WDFY3: variants seen among roughly 807,000 people sequenced by gnomAD.
The protein encoded by WDFY3 is WD repeat and FYVE domain containing 3, also known as WD repeat and FYVE domain-containing protein 3.
A neutral mutation model predicts 409.6 loss-of-function variants in WDFY3; 66 were observed. The ratio of observed to expected loss-of-function variants is 0.16; its 90% confidence interval spans 0.13 to 0.20. WDFY3 has a LOEUF of 0.20. Ranked by LOEUF, WDFY3 falls within the 10% of genes least tolerant of loss-of-function variation. WDFY3 has a pLI of 1.00. For synonymous variants in WDFY3, 1,521 were observed against 1,537.1 expected, an observed-to-expected ratio of 0.99 and a Z score of 0.25; for missense variants, 3,031 against 4,298.1, an observed-to-expected ratio of 0.71 and a Z score of 8.24.
chr4:84,743,528 A>G (rs1226384962), intron 37 of WDFY3, among the ~76,000 whole-genome samples, 172 bp downstream of exon 37: 3 of 152,206 alleles, frequency 2.0e-5, no homozygotes, highest in Non-Finnish European at 4.4e-5. Context: ...AAATACTATA[A>G]TGTACTCCTG....
At chr4:84,675,465 C>T (rs1487249179) in intron 67 of WDFY3, among the ~76,000 whole-genome samples, 1 of 152,206 alleles carries the variant, frequency 6.6e-6, no homozygotes, top group East Asian at 1.9e-4. Flanking sequence ...CTTTACAACA[C>T]TCATATATGT....
chr4:84,675,847 T>A (rs1726187352), intron 67 of WDFY3, among the ~76,000 whole-genome samples: 1 of 152,148 alleles, frequency 6.6e-6, no homozygotes, highest in Non-Finnish European at 1.5e-5. Context: ...GACAGAGATA[T>A]CAACCAAATC....
chr4:84,889,004 G>A (rs1198839714), intron 3 of WDFY3, among the ~76,000 whole-genome samples: 1 of 151,882 alleles, frequency 6.6e-6, no homozygotes, highest in Non-Finnish European at 1.5e-5. Flanking sequence ...TTTCCCCAAA[G>A]GCCTTGCCTT....
At chr4:84,899,881 T>G (rs908902688) in intron 2 of WDFY3, among the ~76,000 whole-genome samples, 5 of 151,538 alleles carry the variant, frequency 3.3e-5, no homozygotes, top group African/African-American at 9.7e-5. Flanking sequence ...CAAAAAAAAA[T>G]TAAAAATTAA....
intron 3 of WDFY3, among the ~76,000 whole-genome samples, chr4:84,882,749 C>T (rs1323070829): frequency 1.3e-5 from 2 of 149,712 alleles, no homozygotes; most frequent in Non-Finnish European, 3.0e-5. Flanking sequence ...CAGTGTCATT[C>T]TGTCACCCAG....
chr4:84,808,225 CA>C (rs997337383), intron 15 of WDFY3, 108 bp downstream of exon 15: 128 of 918,342 alleles, frequency 1.4e-4, no homozygotes, highest in South Asian at 1.8e-4. Flanking sequence ...CAAAACAAAA[CA>C]AAAAAAAACT....
chr4:84,779,122 T>C (rs183656121), intron 26 of WDFY3, among the ~76,000 whole-genome samples: 1 of 152,328 alleles, frequency 6.6e-6, no homozygotes, highest in Non-Finnish European at 1.5e-5. Flanking sequence ...TATGGAATGC[T>C]TAGAGTATAA....
chr4:84,895,457 C>T (rs1312157828), intron 3 of WDFY3, among the ~76,000 whole-genome samples: 1 of 152,144 alleles, frequency 6.6e-6, no homozygotes, highest in East Asian at 1.9e-4. Flanking sequence ...AAACTGTGTA[C>T]ACAGACAAGA....
At chr4:84,788,878 C>T (rs1221672324) in intron 22 of WDFY3, among the ~76,000 whole-genome samples, 1 of 151,874 alleles carries the variant, frequency 6.6e-6, no homozygotes, top group Non-Finnish European at 1.5e-5. Flanking sequence ...AAATTAGCCA[C>T]GTGTGGTGGC....
chr4:84,679,169 G>A lies in WDFY3; in HGVS notation c.9897C>T (p.Asp3299=). 1 of 1,611,626 alleles carries A rather than the reference G, an allele frequency of 6.2e-7. No individual in the cohort carries two copies. The highest frequency in any genetic ancestry group is 1.7e-5 in the Admixed American group (1 of 59,758). Residue 3299 remains aspartate (D), a synonymous_variant, in exon 65 of 68, where the codon GAC becomes GAT. Transcript: ENST00000295888. ...DEQSISQDPK[D]TPSQPSSTSH... Reference sequence around the variant, plus strand: ...TGGTGCTGCTGGGTTGGCTTGGAGTGTCCTTAGGGTCCTGGCTGATGCTCT... The same window carrying A: ...TGGTGCTGCTGGGTTGGCTTGGAGTATCCTTAGGGTCCTGGCTGATGCTCT...
intron 3 of WDFY3, among the ~76,000 whole-genome samples, chr4:84,884,996 C>T (rs953487837): frequency 1.3e-5 from 2 of 152,092 alleles, no homozygotes; most frequent in African/African-American, 4.8e-5. Context: ...CATACATATT[C>T]TTTGTTGTTG....
At chr4:84,839,034 G>A (rs1166929299) in intron 6 of WDFY3, among the ~76,000 whole-genome samples, 1 of 152,120 alleles carries the variant, frequency 6.6e-6, no homozygotes, top group Non-Finnish European at 1.5e-5. Context: ...CTTTTTAAAT[G>A]TATCTATTTC....
intron 44 of WDFY3, among the ~76,000 whole-genome samples, chr4:84,727,130 C>T (rs1223106492): frequency 6.6e-6 from 1 of 152,056 alleles, no homozygotes; most frequent in African/African-American, 2.4e-5. Context: ...ATACGGCAAA[C>T]GTCTCAGTGC....
Position 84,850,009 on chromosome 4 carries a change from G to A in WDFY3, c.197C>T (p.Pro66Leu), listed in dbSNP as rs373421639. ...PVFNRVFGNA[P>L]PNTMTEKFSD... ...AAATTTTTCTGTCATTGTATTCGGC[G>A]GAGCATTTCCAAAAACCTGTAGATA... Residue 66 changes from proline (P) to leucine (L), a missense_variant, in exon 5 of 68, where the codon CCG becomes CTG. Coordinates refer to ENST00000295888, the MANE Select transcript of WDFY3 (RefSeq NM_014991.6). 2.9e-5 allele frequency: 46 copies of A among 1,592,942 alleles called. No homozygotes were observed. The highest frequency in any genetic ancestry group is 4.6e-5 in the South Asian group (4 of 86,702).
chr4:84,816,513 T>C (rs1411326018), intron 13 of WDFY3, among the ~76,000 whole-genome samples: 1 of 152,152 alleles, frequency 6.6e-6, no homozygotes, highest in African/African-American at 2.4e-5. Context: ...TAGATGCAGA[T>C]AAATGCATAC....
chr4:84,689,725 C>G (rs1308953206), intron 61 of WDFY3, among the ~76,000 whole-genome samples: 1 of 152,150 alleles, frequency 6.6e-6, no homozygotes. Flanking sequence ...TAACCTGTGT[C>G]TTTTTCAGGG....
chr4:84,959,336 A>C (rs1018901356), intron 1 of WDFY3, among the ~76,000 whole-genome samples: 1 of 152,200 alleles, frequency 6.6e-6, no homozygotes, highest in Non-Finnish European at 1.5e-5. Context: ...ACAATTTCAC[A>C]TTTTAAAAAA....
At chr4:84,811,724 T>G (rs1752522891) in intron 13 of WDFY3, among the ~76,000 whole-genome samples, 1 of 152,194 alleles carries the variant, frequency 6.6e-6, no homozygotes, top group Admixed American at 6.5e-5. Context: ...AAAAGTCATT[T>G]TTTTTTAAAA....
At chr4:84,756,320 C>T (rs901549362) in intron 33 of WDFY3, among the ~76,000 whole-genome samples, 10 of 152,068 alleles carry the variant, frequency 6.6e-5, no homozygotes, top group Admixed American at 6.6e-5. Flanking sequence ...CACAGTGGCT[C>T]GCGCCTGTAA....
Sources: gnomAD v4.1 joint callset for allele counts (sites outside exome capture counted in the v4.1 genomes callset) on GRCh38, gnomAD v4.1.1 for gene constraint, MANE v1.5 for transcripts, NCBI Gene and HGNC (gene_info 2026-07-23, HGNC 2026-07-21) for gene names.